Variants in MAPK14 observed in about 807,000 individuals in gnomAD.
The protein encoded by MAPK14 is CSAID-binding protein.
Under a neutral mutation model 49.6 loss-of-function variants are expected in MAPK14, and 16 were observed. The ratio of observed to expected loss-of-function variants is 0.32; its 90% CI spans 0.22 to 0.49. The LOEUF (loss-of-function observed/expected upper bound fraction) is 0.49. Ranked by LOEUF, MAPK14 falls within the 20% of genes least tolerant of loss-of-function variation. The pLI is 0.99. For synonymous variants in MAPK14, 142 were observed against 158.0 expected (o/e 0.90, Z 0.76); for missense variants, 200 against 441.2 (o/e 0.45, Z 4.90).
At chr6:36,038,170 C>T (rs962008241) in intron 1 of MAPK14, among the ~76,000 whole-genome samples, 8 of 152,038 alleles carry the variant, frequency 5.3e-5, no homozygotes, top group African/African-American at 9.7e-5. Context: ...AAGGTGAATA[C>T]GGTAAGCATC....
chr6:36,049,746 A>C (rs1224471339), intron 1 of MAPK14, among the ~76,000 whole-genome samples: 1 of 152,348 alleles, frequency 6.6e-6, no homozygotes, highest in Admixed American at 6.5e-5. Flanking sequence ...ATAGGGAGAC[A>C]CTGATGATGC....
chr6:36,029,326 T>A (rs1325252746), intron 1 of MAPK14, among the ~76,000 whole-genome samples: 1 of 152,198 alleles, frequency 6.6e-6, no homozygotes, highest in Non-Finnish European at 1.5e-5. Flanking sequence ...GAGATACTTT[T>A]TAGCTTTAAT....
At chr6:36,063,553 C>T (rs1763916159) in intron 3 of MAPK14, among the ~76,000 whole-genome samples, 1 of 152,192 alleles carries the variant, frequency 6.6e-6, no homozygotes, top group African/African-American at 2.4e-5. Flanking sequence ...TGCGCCACTG[C>T]ATTCCAGCCC....
intron 1 of MAPK14, among the ~76,000 whole-genome samples, chr6:36,042,813 T>C (rs1033090164): frequency 6.6e-6 from 1 of 152,084 alleles, no homozygotes; most frequent in Non-Finnish European, 1.5e-5. Context: ...AAACATCTTA[T>C]AAAATCATTC....
chr6:36,042,988 G>A (rs1009418762), intron 1 of MAPK14, among the ~76,000 whole-genome samples: 5 of 151,978 alleles, frequency 3.3e-5, no homozygotes, highest in Admixed American at 6.6e-5. Context: ...GCCAGGCGTC[G>A]TGGTGTGCCT....
rs17657768 is a variant in MAPK14, at chr6:36,092,250, G to A, written c.683-3737G>A. ...GTGTGGTACAGTTTGACAAACCTGG[G>A]TCCATATAGACCACTGGAGAACATT... On this transcript the variant is annotated intron_variant, in intron 8 of 11. Coordinates refer to ENST00000229794, the MANE Select transcript of MAPK14 (RefSeq NM_139012.3). The A allele has an allele frequency of 3.9e-3, 2,246 of 569,668 alleles. 8 individuals carry two copies. The highest frequency in any genetic ancestry group is 5.9e-3 in the Non-Finnish European group (1,731 of 292,008). The allele number at this position is 569,668 out of a possible 1,614,324, so 35.3% of individuals were successfully genotyped here. A position where few individuals can be genotyped will look rare whatever the true frequency, so the allele number is the denominator to read the frequency against.
the MAPK14 span, among the ~76,000 whole-genome samples, chr6:36,123,353 G>C: frequency 2.0e-5 from 3 of 152,176 alleles, no homozygotes; most frequent in Non-Finnish European, 2.9e-5. Flanking sequence ...GCCCCACAAG[G>C]ATGAGGCCTC....
At chr6:36,087,148 A>G (rs1176936116) in intron 8 of MAPK14, among the ~76,000 whole-genome samples, 2 of 152,156 alleles carry the variant, frequency 1.3e-5, no homozygotes, top group African/African-American at 2.4e-5. Flanking sequence ...ACATACCTCA[A>G]AATAAGCCAT....
intron 6 of MAPK14, among the ~76,000 whole-genome samples, chr6:36,075,290 C>T (rs919971613): frequency 1.3e-5 from 2 of 151,806 alleles, no homozygotes; most frequent in Admixed American, 1.3e-4. Flanking sequence ...ACCCCTCCAC[C>T]CCTAACTCTG....
intron 1 of MAPK14, 44 bp from the exon 2 acceptor site, chr6:36,052,655 G>T: frequency 6.4e-7 from 1 of 1,560,414 alleles, no homozygotes; most frequent in African/African-American, 1.4e-5. Flanking sequence ...ATAATATTTA[G>T]AACAGCTTTT....
chr6:36,101,592 C>G (rs955083166), intron 9 of MAPK14, among the ~76,000 whole-genome samples: 4 of 151,914 alleles, frequency 2.6e-5, no homozygotes, highest in African/African-American at 9.7e-5. Flanking sequence ...CTCAAGCTTC[C>G]TGGGCTCCAT....
intron 8 of MAPK14, 94 bp downstream of exon 8, chr6:36,076,702 C>G (rs1764545314): frequency 3.2e-6 from 3 of 928,304 alleles, no homozygotes; most frequent in Non-Finnish European, 5.0e-6. Flanking sequence ...GGAAGACTCT[C>G]AGTATTTTGC....
At position 36,063,849 on chromosome 6, in the gene MAPK14, A is replaced by T. The variant is rs537898753; in HGVS notation, c.305+4502A>T. Reference sequence around the variant, plus strand: ...GTACAGATGGCAAAATTTTGTAAAGATACAGTACATCTAGATCTCTTAAAT... The same window carrying T: ...GTACAGATGGCAAAATTTTGTAAAGTTACAGTACATCTAGATCTCTTAAAT... On this transcript the variant is annotated intron_variant, in intron 3 of 11. Coordinates refer to ENST00000229794, the MANE Select transcript of MAPK14 (RefSeq NM_139012.3). Among the ~76,000 whole-genome samples the T allele has an allele frequency of 1.5e-4, 23 of 152,306 alleles. No individual in the cohort carries two copies. In the East Asian group the frequency reaches 4.2e-3, roughly 28 times the overall value.
At chr6:36,080,689 T>C (rs536985095) in intron 8 of MAPK14, among the ~76,000 whole-genome samples, 1 of 152,322 alleles carries the variant, frequency 6.6e-6, no homozygotes, top group South Asian at 2.1e-4. Flanking sequence ...TCCCTGCTTT[T>C]GATTCTTTTG....
At chr6:36,035,161 T>G (rs1353710322) in intron 1 of MAPK14, among the ~76,000 whole-genome samples, 2 of 152,128 alleles carry the variant, frequency 1.3e-5, no homozygotes, top group African/African-American at 4.8e-5. Context: ...CCTCCCAAAG[T>G]GCTGGGATTA....
chr6:36,070,749 C>G (rs930086231), intron 3 of MAPK14, among the ~76,000 whole-genome samples: 8 of 151,884 alleles, frequency 5.3e-5, no homozygotes, highest in African/African-American at 1.9e-4. Context: ...GAAATTATGA[C>G]AGAGAAAAAA....
At chr6:36,029,412 C>G (rs898973350) in intron 1 of MAPK14, among the ~76,000 whole-genome samples, 2 of 152,200 alleles carry the variant, frequency 1.3e-5, no homozygotes, top group Non-Finnish European at 2.9e-5. Context: ...TAACTGCTCT[C>G]TTAACTTCCA....
At chr6:36,066,458 G>T (rs1764061807) in intron 3 of MAPK14, among the ~76,000 whole-genome samples, 1 of 150,840 alleles carries the variant, frequency 6.6e-6, no homozygotes, top group Non-Finnish European at 1.5e-5. Flanking sequence ...TAACTGAAGG[G>T]CTGAGTCAAA....
the MAPK14 span, among the ~76,000 whole-genome samples, chr6:36,121,217 A>C: frequency 6.6e-6 from 1 of 152,202 alleles, no homozygotes; most frequent in Non-Finnish European, 1.5e-5. Flanking sequence ...ATTAGCAAGA[A>C]AGGCAGGGCC....
Sources: gnomAD v4.1 joint callset for allele counts (sites outside exome capture counted in the v4.1 genomes callset) on GRCh38, gnomAD v4.1.1 for gene constraint, MANE v1.5 for transcripts, NCBI Gene and HGNC (gene_info 2026-07-23, HGNC 2026-07-21) for gene names.